Variants in ADCY1 observed in about 807,000 individuals in gnomAD.
The protein encoded by ADCY1 is adenylate cyclase 1.
Under a neutral mutation model 105.4 loss-of-function variants are expected in ADCY1, and 28 were observed. The ratio of observed to expected loss-of-function variants is 0.27; its 90% CI spans 0.20 to 0.36. The LOEUF is 0.36. ADCY1 is among the 10% of genes least tolerant of loss of function. The pLI is 1.00. For missense variants in ADCY1, 977 were observed against 1,434.2 expected (o/e 0.68, Z 5.15); for synonymous variants, 655 against 623.8 (o/e 1.05, Z -0.75).
chr7:45,643,341 A>G (rs1794575597), intron 4 of ADCY1, among the ~76,000 whole-genome samples: 1 of 150,918 alleles, frequency 6.6e-6, no homozygotes, highest in African/African-American at 2.4e-5. Context: ...CACTCCTTGG[A>G]TTTTTATATT....
At chr7:45,607,545 C>T (rs142570497) in intron 2 of ADCY1, among the ~76,000 whole-genome samples, 8 of 152,282 alleles carry the variant, frequency 5.3e-5, no homozygotes, top group African/African-American at 9.6e-5. Flanking sequence ...TCCCATAACC[C>T]GGGTACTAAA....
chr7:45,721,459 A>AT lies in ADCY1; in HGVS notation c.*7471dup, dbSNP rs1307793608. The AT allele has an allele frequency of 2.1e-5, 8 of 389,426 alleles. No individual in the cohort carries two copies. The highest frequency in any genetic ancestry group is 2.7e-5 in the Non-Finnish European group (6 of 220,956). The allele number at this position is 389,426 out of a possible 1,614,324, so 24.1% of individuals were successfully genotyped here. On this transcript the variant is annotated 3_prime_UTR_variant, in exon 20 of 20. Transcript: ENST00000297323. ...GAATCTCCTTAAGAGCTGTTGCCTT[A>AT]TTTTTTTGTAAAGCCTCTCTGACAT...
chr7:45,602,020 C>T (rs993164002), intron 2 of ADCY1, among the ~76,000 whole-genome samples: 3 of 151,910 alleles, frequency 2.0e-5, no homozygotes, highest in East Asian at 1.9e-4. Flanking sequence ...CGAATAGGGA[C>T]GTACTATGGG....
intron 2 of ADCY1, among the ~76,000 whole-genome samples, chr7:45,609,436 G>A (rs1584266733): frequency 6.6e-6 from 1 of 152,346 alleles, no homozygotes; most frequent in Admixed American, 6.5e-5. Context: ...ACGACAGGCC[G>A]CTGCGGAGGG....
At chr7:45,606,030 T>C (rs997485999) in intron 2 of ADCY1, among the ~76,000 whole-genome samples, 2 of 152,222 alleles carry the variant, frequency 1.3e-5, no homozygotes, top group Non-Finnish European at 2.9e-5. Context: ...GTTAGAAGTT[T>C]AGGCTCCACA....
chr7:45,677,805 C>T, intron 8 of ADCY1, 64 bp from the exon 9 acceptor site: 1 of 1,538,806 alleles, frequency 6.5e-7, no homozygotes, highest in African/African-American at 1.4e-5. Context: ...AGGGAGAGTA[C>T]AGGTGCTTTT....
intron 4 of ADCY1, among the ~76,000 whole-genome samples, chr7:45,641,082 A>T (rs1794514247): frequency 6.6e-6 from 1 of 152,188 alleles, no homozygotes; most frequent in Non-Finnish European, 1.5e-5. Flanking sequence ...AAAGGGACTC[A>T]TGGAAGCCAG....
At chr7:45,662,329 T>G in intron 8 of ADCY1, 115 bp downstream of exon 8, 1 of 1,156,240 alleles carries the variant, frequency 8.6e-7, no homozygotes, top group Non-Finnish European at 1.2e-6. Flanking sequence ...TGTTCACATG[T>G]GGATAATCTT....
At chr7:45,635,510 T>C (rs2115996266) in intron 4 of ADCY1, among the ~76,000 whole-genome samples, 1 of 151,688 alleles carries the variant, frequency 6.6e-6, no homozygotes, top group South Asian at 2.1e-4. Flanking sequence ...GTTGTAAACT[T>C]ACCTGAAAGT....
chr7:45,641,682 T>A (rs1794527524), intron 4 of ADCY1, among the ~76,000 whole-genome samples: 1 of 150,634 alleles, frequency 6.6e-6, no homozygotes, highest in Non-Finnish European at 1.5e-5. Context: ...ATCCCAGCAC[T>A]TTGGGAGGCC....
chr7:45,655,390 C>T (rs1399514279), intron 5 of ADCY1, among the ~76,000 whole-genome samples: 1 of 152,148 alleles, frequency 6.6e-6, no homozygotes, highest in Non-Finnish European at 1.5e-5. Flanking sequence ...AATAAGTGAA[C>T]CTGAGAGCAC....
At chr7:45,689,483 G>A (rs1338257999) in intron 14 of ADCY1, among the ~76,000 whole-genome samples, 1 of 152,082 alleles carries the variant, frequency 6.6e-6, no homozygotes, top group African/African-American at 2.4e-5. Context: ...CACATGGCGA[G>A]AGCAGGAGCA....
chr7:45,650,428 G>A (rs1328479590), intron 5 of ADCY1, among the ~76,000 whole-genome samples: 1 of 152,086 alleles, frequency 6.6e-6, no homozygotes, highest in African/African-American at 2.4e-5. Context: ...GGGAAAATGA[G>A]GCTCTGTAGG....
chr7:45,684,032 C>T (rs948985092), intron 11 of ADCY1, among the ~76,000 whole-genome samples: 1 of 152,198 alleles, frequency 6.6e-6, no homozygotes, highest in Non-Finnish European at 1.5e-5. Flanking sequence ...GCCCAGAGGC[C>T]AGGTTGGGAC....
At chr7:45,631,062 T>C (rs1285172788) in intron 4 of ADCY1, among the ~76,000 whole-genome samples, 1 of 152,204 alleles carries the variant, frequency 6.6e-6, no homozygotes, top group East Asian at 1.9e-4. Flanking sequence ...CTAAAGCATC[T>C]AGCACAGTGC....
intron 6 of ADCY1, among the ~76,000 whole-genome samples, chr7:45,659,569 C>T (rs1795035430): frequency 6.6e-6 from 1 of 152,180 alleles, no homozygotes; most frequent in South Asian, 2.1e-4. Flanking sequence ...CCCTGCTTCC[C>T]ACCCCACCTC....
chr7:45,660,265 T>G, intron 7 of ADCY1, 82 bp downstream of exon 7: 1 of 1,549,212 alleles, frequency 6.5e-7, no homozygotes, highest in East Asian at 2.3e-5. Context: ...CTCCTCCTGC[T>G]TCCTCTCCAA....
intron 4 of ADCY1, among the ~76,000 whole-genome samples, chr7:45,638,326 T>G (rs894151340): frequency 2.2e-4 from 34 of 152,210 alleles, no homozygotes; most frequent in African/African-American, 8.2e-4. Context: ...AGTAGCTATT[T>G]TCTTCTGCAG....
In ADCY1 at chr7:45,686,775, T is replaced by G. The variant is rs1784686113; in HGVS notation, c.2454+102T>G. On this transcript the variant is annotated intron_variant, in intron 14 of 19. Coordinates refer to ENST00000297323, the MANE Select transcript of ADCY1 (RefSeq NM_021116.4). The surrounding 1 kb of genome is among the most constrained non-coding windows in gnomAD (Gnocchi z 4.3). ...GGCTGCCACAGACACCCACACGCCG[T>G]ATGGCCCTCGGAGGGCCCTCCTCAG... 6.8e-6 allele frequency: 10 copies of G among 1,469,236 alleles called. No homozygotes were observed. In the South Asian group the frequency reaches 1.1e-4, roughly 16 times the overall value. The allele number at this position is 1,469,236 out of a possible 1,614,324, so 91.0% of individuals were successfully genotyped here.
Sources: gnomAD v4.1 joint callset for allele counts (sites outside exome capture counted in the v4.1 genomes callset) on GRCh38, gnomAD v4.1.1 for gene constraint, Gnocchi (gnomAD v3.1) non-coding constraint, MANE v1.5 for transcripts, NCBI Gene and HGNC (gene_info 2026-07-23, HGNC 2026-07-21) for gene names.